Variants in GAS2 observed in about 807,000 individuals in gnomAD.
GAS2 encodes growth arrest-specific protein 2.
Under a neutral mutation model 37.5 loss-of-function variants are expected in GAS2, and 20 were observed. That is an observed-to-expected ratio of 0.53 (90% CI 0.37 to 0.77). The LOEUF is 0.77. Among genes scored for constraint, GAS2 ranks in the 30% least tolerant of loss-of-function variants. The pLI, the probability that GAS2 is intolerant of heterozygous loss-of-function variation, is 0.00. For synonymous variants in GAS2, 144 were observed against 132.2 expected (o/e 1.09, Z -0.61); for missense variants, 336 against 373.4 (o/e 0.90, Z 0.82).
intron 7 of GAS2, among the ~76,000 whole-genome samples, chr11:22,805,994 C>T (rs1856864434): frequency 6.6e-6 from 1 of 152,020 alleles, no homozygotes; most frequent in Non-Finnish European, 1.5e-5. Flanking sequence ...GTTGTATCAG[C>T]AAGGTTTTTA....
rs144960313 is a variant in GAS2, at chr11:22,678,407, A to G, written c.145+3393A>G. On this transcript the variant is annotated intron_variant, in intron 2 of 7. Transcript: ENST00000454584. The stretch of plus-strand genomic sequence containing the variant: ...GTTTTGTCACTTCAGAAATATTTGT[A>G]GATTTTTATTATGCAGCTCTTTTTC... Among the ~76,000 whole-genome samples, 897 of 152,240 alleles carry G rather than the reference A, an allele frequency of 5.9e-3. 13 individuals are homozygous for G. Among genetic ancestry groups the G allele is most frequent in the African/African-American group, 0.02 (846 of 41,570 alleles).
intron 1 of GAS2, among the ~76,000 whole-genome samples, chr11:22,648,675 T>C (rs1201274575): frequency 6.6e-6 from 1 of 152,240 alleles, no homozygotes; most frequent in Non-Finnish European, 1.5e-5. Flanking sequence ...TATTTTATTC[T>C]CTTTGAAGCA....
At chr11:22,722,383 T>C (rs988968330) in intron 3 of GAS2, among the ~76,000 whole-genome samples, 3 of 151,878 alleles carry the variant, frequency 2.0e-5, no homozygotes, top group Admixed American at 6.6e-5. Flanking sequence ...TTACTATTTA[T>C]CCTGTTGACT....
At chr11:22,741,337 A>G (rs1853068103) in intron 5 of GAS2, among the ~76,000 whole-genome samples, 2 of 152,256 alleles carry the variant, frequency 1.3e-5, no homozygotes, top group South Asian at 4.1e-4. Flanking sequence ...TGTAAAAGCA[A>G]GTTAATAAAA....
chr11:22,703,979 C>T (rs1490100707), intron 3 of GAS2, among the ~76,000 whole-genome samples: 1 of 152,062 alleles, frequency 6.6e-6, no homozygotes, highest in Admixed American at 6.6e-5. Flanking sequence ...ATTTGCATAT[C>T]TTGAAGCCAA....
At chr11:22,799,598 T>C (rs910216904) in intron 7 of GAS2, among the ~76,000 whole-genome samples, 3 of 152,082 alleles carry the variant, frequency 2.0e-5, no homozygotes, top group African/African-American at 7.2e-5. Flanking sequence ...CTCAAAGAAA[T>C]TCTCTAAGCA....
At chr11:22,709,183 C>T (rs1045145929) in intron 3 of GAS2, among the ~76,000 whole-genome samples, 1 of 148,962 alleles carries the variant, frequency 6.7e-6, no homozygotes, top group African/African-American at 2.5e-5. Flanking sequence ...CTGTAGAACT[C>T]AGAGGTGAAT....
intron 3 of GAS2, chr11:22,702,478 T>C (rs957962560): frequency 6.6e-6 from 1 of 152,150 alleles, no homozygotes; most frequent in African/African-American, 2.4e-5. Flanking sequence ...AAATGGAAAA[T>C]GACCATATGC....
intron 7 of GAS2, among the ~76,000 whole-genome samples, chr11:22,762,774 A>G (rs980959794): frequency 6.6e-6 from 1 of 152,112 alleles, no homozygotes; most frequent in African/African-American, 2.4e-5. Context: ...AAAATTCTTT[A>G]TGTGGTCTAT....
At chr11:22,736,962 A>C (rs1353100311) in intron 4 of GAS2, among the ~76,000 whole-genome samples, 1 of 152,134 alleles carries the variant, frequency 6.6e-6, no homozygotes, top group African/African-American at 2.4e-5. Flanking sequence ...GATTTGTCAC[A>C]TTACTGAATG....
At chr11:22,753,473 A>G (rs1255352976) in intron 6 of GAS2, among the ~76,000 whole-genome samples, 1 of 152,134 alleles carries the variant, frequency 6.6e-6, no homozygotes, top group East Asian at 1.9e-4. Context: ...GAAGACTGCA[A>G]AATGGAATTA....
intron 1 of GAS2, among the ~76,000 whole-genome samples, chr11:22,627,830 T>C (rs1283024708): frequency 6.6e-6 from 1 of 151,562 alleles, no homozygotes; most frequent in Non-Finnish European, 1.5e-5. Context: ...AACTTTTCAG[T>C]TGAAAGTTCA....
chr11:22,651,298 T>C (rs1372481616), intron 1 of GAS2, among the ~76,000 whole-genome samples: 2 of 152,252 alleles, frequency 1.3e-5, no homozygotes, highest in Non-Finnish European at 2.9e-5. Flanking sequence ...GCTGTTAGTC[T>C]GATGGGCTTC....
intron 4 of GAS2, among the ~76,000 whole-genome samples, chr11:22,735,452 C>T (rs980733598): frequency 6.6e-5 from 10 of 151,564 alleles, no homozygotes; most frequent in Non-Finnish European, 1.0e-4. Context: ...TAAATTTTAA[C>T]GGGCTGATTC....
At chr11:22,635,698 G>T (rs1038839633) in intron 1 of GAS2, among the ~76,000 whole-genome samples, 1 of 152,198 alleles carries the variant, frequency 6.6e-6, no homozygotes, top group African/African-American at 2.4e-5. Context: ...AATCTCCACT[G>T]GGAGCTTCTT....
At chr11:22,749,435 TGAACTAGTTGTTC>T (rs1289032265) in intron 6 of GAS2, among the ~76,000 whole-genome samples, 174 bp downstream of exon 6, 1 of 152,024 alleles carries the variant, frequency 6.6e-6, no homozygotes, top group Non-Finnish European at 1.5e-5. Context: ...GATTCAAAAC[TGAACTAGTTGTTC>T]AAAATAAAGT....
chr11:22,693,411 C>G (rs1850348341), intron 3 of GAS2, among the ~76,000 whole-genome samples: 1 of 152,118 alleles, frequency 6.6e-6, no homozygotes, highest in African/African-American at 2.4e-5. Context: ...CCCACTGTTT[C>G]CAAGTCATGT....
At chr11:22,783,427 G>A (rs886707472) in intron 7 of GAS2, among the ~76,000 whole-genome samples, 32 of 152,080 alleles carry the variant, frequency 2.1e-4, no homozygotes, top group African/African-American at 5.5e-4. Flanking sequence ...CTCTTCTTTC[G>A]TAGAAGCTCT....
At chr11:22,782,364 T>C (rs1855593088) in intron 7 of GAS2, among the ~76,000 whole-genome samples, 1 of 152,052 alleles carries the variant, frequency 6.6e-6, no homozygotes, top group South Asian at 2.1e-4. Flanking sequence ...AGTTAAGGGG[T>C]TCCTTAGTTG....
Sources: allele counts gnomAD v4.1 joint callset (sites outside exome capture counted in the v4.1 genomes callset), GRCh38; gene constraint gnomAD v4.1.1; transcripts MANE v1.5; gene names NCBI Gene and HGNC (gene_info 2026-07-23, HGNC 2026-07-21).